DENND1A: variants seen among roughly 807,000 people sequenced by gnomAD.
DENND1A encodes DENN domain-containing protein 1A.
A neutral mutation model predicts 113.7 loss-of-function variants in DENND1A; 51 were observed. The ratio of observed to expected loss-of-function variants is 0.45; its 90% CI spans 0.36 to 0.57. The LOEUF (loss-of-function observed/expected upper bound fraction) is 0.57, where lower values mean the gene tolerates loss of function less well. Ranked by LOEUF, DENND1A falls within the 20% of genes least tolerant of loss-of-function variation. The pLI is 0.00. For synonymous variants in DENND1A, 565 were observed against 570.8 expected (o/e 0.99, Z 0.14); for missense variants, 1,258 against 1,395.9 (o/e 0.90, Z 1.57).
chr9:123,547,365 A>C (rs2056768276), intron 13 of DENND1A, among the ~76,000 whole-genome samples: 1 of 152,230 alleles, frequency 6.6e-6, no homozygotes, highest in African/African-American at 2.4e-5. Context: ...CCCTGTTTCT[A>C]CTAAAAATAC....
chr9:123,579,491 G>A (rs2058784195), intron 12 of DENND1A, among the ~76,000 whole-genome samples: 2 of 152,128 alleles, frequency 1.3e-5, no homozygotes, highest in Admixed American at 1.3e-4. Flanking sequence ...GGTCACTCTG[G>A]GGCATGAGGC....
intron 7 of DENND1A, among the ~76,000 whole-genome samples, chr9:123,667,311 G>T (rs1357319019): frequency 6.6e-6 from 1 of 152,140 alleles, no homozygotes; most frequent in Non-Finnish European, 1.5e-5. Context: ...AACTTCTTTA[G>T]GAGATATAAA....
chr9:123,388,893 G>A (rs1169382682), intron 21 of DENND1A, among the ~76,000 whole-genome samples: 1 of 152,186 alleles, frequency 6.6e-6, no homozygotes, highest in African/African-American at 2.4e-5. Context: ...CAGACCCGGG[G>A]TGTTCCACAC....
Position 123,929,963 on chromosome 9 carries a change from G to A in DENND1A, c.-58C>T, listed in dbSNP as rs1249678938. 1.6e-5 allele frequency: 4 copies of A among 253,580 alleles called. No homozygotes were observed. Among genetic ancestry groups the A allele is most frequent in the Non-Finnish European group, 2.9e-5 (4 of 138,134 alleles). The allele number at this position is 253,580 out of a possible 1,614,324, so 15.7% of individuals were successfully genotyped here. A position where few individuals can be genotyped will look rare whatever the true frequency, so the allele number is the denominator to read the frequency against. On this transcript the variant is annotated 5_prime_UTR_variant, in exon 1 of 24. Coordinates refer to ENST00000394215, the MANE Select transcript of DENND1A (RefSeq NM_001352964.2). ...CCGCTCGGCGCTGCGCTGCCCGCCCGCCCGCGGCCGACCGGCCTCCCTCTG... is the reference window on the plus strand; with the variant it reads ...CCGCTCGGCGCTGCGCTGCCCGCCCACCCGCGGCCGACCGGCCTCCCTCTG...
chr9:123,853,956 GA>G (rs551013755), intron 2 of DENND1A, among the ~76,000 whole-genome samples: 66 of 151,756 alleles, frequency 4.3e-4, no homozygotes, highest in African/African-American at 1.4e-3. Context: ...ATTTTCATGG[GA>G]AAAAAAATAT....
intron 13 of DENND1A, among the ~76,000 whole-genome samples, chr9:123,545,759 G>A (rs745674006): frequency 2.7e-4 from 41 of 152,068 alleles, no homozygotes; most frequent in Admixed American, 6.5e-5. Context: ...GAGACACCAC[G>A]CCCATTCCCA....
At chr9:123,784,481 T>C (rs2131896695) in intron 3 of DENND1A, among the ~76,000 whole-genome samples, 1 of 152,276 alleles carries the variant, frequency 6.6e-6, no homozygotes, top group Admixed American at 6.5e-5. Flanking sequence ...CTTGTAGGTG[T>C]GTCCAAGGAG....
chr9:123,693,555 C>T (rs1263161518), intron 5 of DENND1A, among the ~76,000 whole-genome samples: 1 of 151,800 alleles, frequency 6.6e-6, no homozygotes, highest in Non-Finnish European at 1.5e-5. Flanking sequence ...TGGAATAATA[C>T]AGTACATAGC....
At chr9:123,448,064 C>A (rs2047438009) in intron 18 of DENND1A, among the ~76,000 whole-genome samples, 2 of 152,196 alleles carry the variant, frequency 1.3e-5, no homozygotes, top group South Asian at 4.2e-4. Flanking sequence ...TGGTGACAAG[C>A]CACATTTCTA....
chr9:123,600,431 G>A (rs975863693), intron 11 of DENND1A, among the ~76,000 whole-genome samples: 16 of 152,070 alleles, frequency 1.1e-4, no homozygotes, highest in Admixed American at 2.6e-4. Context: ...GCACCTTAAC[G>A]TACCCATCTG....
intron 13 of DENND1A, among the ~76,000 whole-genome samples, chr9:123,537,789 T>C (rs1387245880): frequency 6.6e-6 from 1 of 152,228 alleles, no homozygotes; most frequent in Non-Finnish European, 1.5e-5. Flanking sequence ...ATAGAATGTA[T>C]GAGCCAAGGA....
At chr9:123,557,312 G>A (rs1411991192) in intron 13 of DENND1A, among the ~76,000 whole-genome samples, 4 of 152,194 alleles carry the variant, frequency 2.6e-5, no homozygotes, top group Admixed American at 1.3e-4. Context: ...CATCTGACAC[G>A]CGGTTGGGGC....
intron 6 of DENND1A, among the ~76,000 whole-genome samples, chr9:123,672,249 A>G (rs1393792324): frequency 7.2e-5 from 11 of 152,216 alleles, no homozygotes; most frequent in Non-Finnish European, 1.0e-4. Flanking sequence ...GAAAGGAAAA[A>G]GAAGATGCAC....
At chr9:123,452,202 GTAA>G in intron 17 of DENND1A, 71 bp downstream of exon 17, 1 of 1,400,708 alleles carries the variant, frequency 7.1e-7, no homozygotes, top group Non-Finnish European at 1.0e-6. Flanking sequence ...TCAAAAGTAA[GTAA>G]ATAAATAAAG....
intron 2 of DENND1A, among the ~76,000 whole-genome samples, chr9:123,850,898 T>C (rs554001218): frequency 1.3e-5 from 2 of 152,078 alleles, no homozygotes; most frequent in African/African-American, 2.4e-5. Context: ...ATTGAATGAT[T>C]AAAATGCTTA....
In DENND1A at chr9:123,382,445, T is replaced by C; in HGVS notation, c.2200A>G (p.Arg734Gly). 1 of 1,611,668 alleles carries C rather than the reference T, an allele frequency of 6.2e-7. No homozygotes were observed. The highest frequency in any genetic ancestry group is 1.7e-4 in the Middle Eastern group (1 of 6,044). ...AGGATGCTGTCCCGGTTCTGGGGCC[T>C]TCGAGGCAGGGCCAGGGAGTTTCCG... ...LLGNSLALPR[R>G]PQNRDSILNP... Residue 734 changes from arginine (R) to glycine (G), a missense_variant, in exon 24 of 24, where the codon AGG (arginine) becomes GGG (glycine). Around this residue, in one of 2 missense-constraint regions of DENND1A, gnomAD observed 1,159 missense variants for 1,231.7 expected, o/e 0.94. Transcript: ENST00000394215.
At chr9:123,774,001 A>G (rs1830108089) in intron 3 of DENND1A, among the ~76,000 whole-genome samples, 3 of 152,196 alleles carry the variant, frequency 2.0e-5, no homozygotes, top group South Asian at 4.1e-4. Flanking sequence ...ACCTTTGTCC[A>G]AAAACGACAG....
chr9:123,611,062 G>C (rs1278722885), intron 10 of DENND1A, among the ~76,000 whole-genome samples: 2 of 152,176 alleles, frequency 1.3e-5, no homozygotes, highest in Non-Finnish European at 2.9e-5. Context: ...ATGTAAAACA[G>C]ACTTGAATAT....
chr9:123,627,095 A>G (rs1224248079), intron 10 of DENND1A, among the ~76,000 whole-genome samples: 2 of 152,178 alleles, frequency 1.3e-5, no homozygotes, highest in African/African-American at 2.4e-5. Context: ...GGGGAGAGTG[A>G]GGGCTCAGGG....
Sources: gnomAD v4.1 joint callset for allele counts (sites outside exome capture counted in the v4.1 genomes callset) on GRCh38, gnomAD v4.1.1 for gene constraint, gnomAD v4.1.1 regional missense constraint, MANE v1.5 for transcripts, NCBI Gene and HGNC (gene_info 2026-07-23, HGNC 2026-07-21) for gene names.